The following MYO16 variants were observed in gnomAD, a reference collection of about 807,000 sequenced individuals.
MYO16 encodes unconventional myosin-XVI.
In MYO16, 94 loss-of-function variants were observed where a neutral mutation model predicts 205.3. The observed-to-expected ratio is 0.46, with a 90% CI of 0.39 to 0.54. The LOEUF (loss-of-function observed/expected upper bound fraction) is 0.54, where lower values mean the gene tolerates loss of function less well. Ranked by LOEUF, MYO16 falls within the 20% of genes least tolerant of loss-of-function variation. MYO16 has a pLI of 0.00. For missense variants in MYO16, 2,315 were observed against 2,387.5 expected (o/e 0.97, Z 0.63); for synonymous variants, 988 against 954.0 (o/e 1.04, Z -0.66).
At chr13:108,743,102 A>G (rs978154362) in intron 4 of MYO16, among the ~76,000 whole-genome samples, 1 of 152,250 alleles carries the variant, frequency 6.6e-6, no homozygotes, top group African/African-American at 2.4e-5. Flanking sequence ...ATTTCAAACC[A>G]TAAGAAACAA....
intron 34 of MYO16, among the ~76,000 whole-genome samples, chr13:109,181,681 T>A (rs1216386958): frequency 6.6e-6 from 1 of 152,182 alleles, no homozygotes; most frequent in African/African-American, 2.4e-5. Flanking sequence ...AAAGATCATA[T>A]GGAAAATTCA....
intron 32 of MYO16, among the ~76,000 whole-genome samples, chr13:109,158,661 G>A (rs1194820946): frequency 1.3e-5 from 2 of 152,170 alleles, no homozygotes; most frequent in Admixed American, 6.5e-5. Flanking sequence ...GAGGCTCTAT[G>A]CCTGAGACCC....
chr13:108,628,925 T>G (rs1879851519), upstream of MYO16, among the ~76,000 whole-genome samples: 1 of 152,210 alleles, frequency 6.6e-6, no homozygotes, highest in Non-Finnish European at 1.5e-5. Context: ...TGTAAACAAC[T>G]TAAAATATAA....
intron 4 of MYO16, among the ~76,000 whole-genome samples, chr13:108,736,623 C>T (rs141318354): frequency 0.036 from 5,433 of 152,174 alleles, 300 homozygotes; most frequent in African/African-American, 0.12. Flanking sequence ...CTTGGCAATG[C>T]GGGCTGTTTT....
At chr13:108,865,554 C>T (rs1353028031) in intron 11 of MYO16, among the ~76,000 whole-genome samples, 1 of 151,652 alleles carries the variant, frequency 6.6e-6, no homozygotes. Context: ...GGATGTTTCT[C>T]TTTAAAGTAG....
intron 4 of MYO16, among the ~76,000 whole-genome samples, chr13:108,746,139 G>C (rs927256036): frequency 4.9e-4 from 75 of 152,156 alleles, no homozygotes; most frequent in African/African-American, 1.5e-3. Flanking sequence ...CTTGCAGTGA[G>C]CCGAGATTGT....
At chr13:108,774,027 G>T (rs1191227333) in intron 4 of MYO16, among the ~76,000 whole-genome samples, 4 of 152,106 alleles carry the variant, frequency 2.6e-5, no homozygotes, top group Admixed American at 6.6e-5. Flanking sequence ...GGAGGAGGAG[G>T]TTGCAGTGAC....
the MYO16 span, among the ~76,000 whole-genome samples, chr13:108,585,290 G>C: frequency 4.0e-4 from 61 of 152,300 alleles, no homozygotes; most frequent in African/African-American, 1.4e-3. Flanking sequence ...AAATACATTA[G>C]TTTGGTTCAG....
chr13:108,859,049 C>T lies in MYO16; in HGVS notation c.1359+3496C>T, dbSNP rs548567791. Among the ~76,000 whole-genome samples, 373 of 152,182 alleles carry T rather than the reference C, an allele frequency of 2.5e-3. 1 individual carries two copies. Among genetic ancestry groups the T allele is most frequent in the African/African-American group, 7.6e-3 (317 of 41,514 alleles). The stretch of plus-strand genomic sequence containing the variant: ...GGCCAGCCCCCAGTCTATTTGAAAT[C>T]GCAAAATGCACTTCCTATCCTTCTG... On this transcript the variant is annotated intron_variant, in intron 11 of 34. Transcript: ENST00000457511.
chr13:108,680,739 C>G (rs1231715577), intron 2 of MYO16, among the ~76,000 whole-genome samples: 2 of 152,182 alleles, frequency 1.3e-5, no homozygotes, highest in Admixed American at 1.3e-4. Context: ...CATATCTCCT[C>G]TCACCATTGT....
At chr13:108,571,637 T>A in the MYO16 span, among the ~76,000 whole-genome samples, 2 of 152,092 alleles carry the variant, frequency 1.3e-5, no homozygotes, top group Non-Finnish European at 2.9e-5. Context: ...CTGCAGGTCT[T>A]GTGGGTTCTC....
At chr13:109,081,980 G>T (rs1179634813) in intron 27 of MYO16, among the ~76,000 whole-genome samples, 1 of 152,146 alleles carries the variant, frequency 6.6e-6, no homozygotes, top group Admixed American at 6.5e-5. Context: ...ATACCCATTT[G>T]TTTTCATATC....
In MYO16 at chr13:108,962,764, A is replaced by G. The variant is rs191959609; in HGVS notation, c.2227+269A>G. ...CATCAATCCAAGAGGGTTTCTTCAA[A>G]GAAAATATTGGATCCATTTGCATGT... On this transcript the variant is annotated intron_variant, in intron 19 of 34. Coordinates refer to ENST00000457511, the MANE Select transcript of MYO16 (RefSeq NM_001198950.3). 5.1e-4 allele frequency among the ~76,000 whole-genome samples: 77 copies of G among 152,348 alleles called. 1 individual carries two copies. The highest frequency in any genetic ancestry group is 1.8e-3 in the African/African-American group (73 of 41,582).
At chr13:109,005,197 A>G (rs1199043289) in intron 21 of MYO16, among the ~76,000 whole-genome samples, 1 of 152,156 alleles carries the variant, frequency 6.6e-6, no homozygotes, top group Non-Finnish European at 1.5e-5. Context: ...TAGGTTTAAA[A>G]TGACTTCTAT....
At chr13:108,591,156 C>T (rs1029078556), upstream of MYO16, among the ~76,000 whole-genome samples, 17 of 152,134 alleles carry the variant, frequency 1.1e-4, no homozygotes, top group African/African-American at 4.1e-4. Flanking sequence ...CATCTCCTGA[C>T]TCTTACCTGC....
intron 20 of MYO16, among the ~76,000 whole-genome samples, chr13:108,988,582 C>T (rs1363354662): frequency 6.6e-6 from 1 of 152,132 alleles, no homozygotes; most frequent in African/African-American, 2.4e-5. Context: ...TGAACCCATC[C>T]TTTAATGATT....
chr13:108,595,494 A>C (rs1230996016), upstream of MYO16, among the ~76,000 whole-genome samples: 1 of 152,224 alleles, frequency 6.6e-6, no homozygotes, highest in Admixed American at 6.5e-5. Flanking sequence ...TGATTGATTA[A>C]CTAGCGCAGT....
At chr13:108,664,085 T>G (rs1416431067) in intron 1 of MYO16, among the ~76,000 whole-genome samples, 1 of 152,236 alleles carries the variant, frequency 6.6e-6, no homozygotes, top group Non-Finnish European at 1.5e-5. Context: ...GAACCACTGT[T>G]GTCTATTTGC....
chr13:108,820,950 A>G (rs1284469716), intron 8 of MYO16, among the ~76,000 whole-genome samples: 1 of 152,096 alleles, frequency 6.6e-6, no homozygotes, highest in East Asian at 1.9e-4. Flanking sequence ...TATTTTAGTC[A>G]CTGACCTTTT....
Sources: gnomAD v4.1 joint callset for allele counts (sites outside exome capture counted in the v4.1 genomes callset) on GRCh38, gnomAD v4.1.1 for gene constraint, MANE v1.5 for transcripts, NCBI Gene and HGNC (gene_info 2026-07-23, HGNC 2026-07-21) for gene names.